ENTREP2: variants seen among roughly 807,000 people sequenced by gnomAD.
The protein encoded by ENTREP2 is protein ENTREP2.
the ENTREP2 span, among the ~76,000 whole-genome samples, chr15:29,545,803 C>G: frequency 1.3e-5 from 2 of 152,154 alleles, no homozygotes; most frequent in East Asian, 3.8e-4. Context: ...ATAAATCTAA[C>G]CTCTAGTACT....
chr15:29,417,295 C>A, the ENTREP2 span, among the ~76,000 whole-genome samples: 2 of 152,178 alleles, frequency 1.3e-5, no homozygotes, highest in Admixed American at 6.5e-5. Flanking sequence ...CACATATACA[C>A]CATGGAATAC....
the ENTREP2 span, among the ~76,000 whole-genome samples, chr15:29,232,172 T>C: frequency 6.6e-6 from 1 of 152,144 alleles, no homozygotes; most frequent in Admixed American, 6.5e-5. Flanking sequence ...ATTACAGGTG[T>C]GAGCCACCGC....
the ENTREP2 span, among the ~76,000 whole-genome samples, chr15:29,231,765 G>A: frequency 1.6e-4 from 25 of 151,568 alleles, no homozygotes; most frequent in Admixed American, 9.9e-4. Flanking sequence ...TTACCAATTC[G>A]TTCATTCTTT....
the ENTREP2 span, among the ~76,000 whole-genome samples, chr15:29,343,347 T>C: frequency 6.6e-6 from 1 of 152,164 alleles, no homozygotes; most frequent in African/African-American, 2.4e-5. Context: ...CCTCATCCAA[T>C]CAGTCAAAGG....
At chr15:29,550,886 G>C in the ENTREP2 span, among the ~76,000 whole-genome samples, 5 of 152,134 alleles carry the variant, frequency 3.3e-5, no homozygotes, top group Admixed American at 2.0e-4. Flanking sequence ...TTCCTTTACA[G>C]ATTAGGAGAT....
At chr15:29,223,407 G>A in the ENTREP2 span, among the ~76,000 whole-genome samples, 1 of 152,062 alleles carries the variant, frequency 6.6e-6, no homozygotes, top group Non-Finnish European at 1.5e-5. Context: ...CAGCTCCAAT[G>A]GCTCTCTATC....
the ENTREP2 span, among the ~76,000 whole-genome samples, chr15:29,186,411 A>C: frequency 1.3e-5 from 2 of 152,182 alleles, no homozygotes; most frequent in Admixed American, 1.3e-4. Context: ...CAGCTGCCAA[A>C]AAACTCCAAA....
the ENTREP2 span, among the ~76,000 whole-genome samples, chr15:29,454,499 C>T: frequency 6.6e-6 from 1 of 152,324 alleles, no homozygotes; most frequent in East Asian, 1.9e-4. Context: ...CCAGACTCAG[C>T]TCCCCCACTC....
chr15:29,450,189 C>T, the ENTREP2 span, among the ~76,000 whole-genome samples: 3 of 152,108 alleles, frequency 2.0e-5, no homozygotes, highest in African/African-American at 7.2e-5. Flanking sequence ...TTTCTCCCAT[C>T]CTGTAGGCTG....
the ENTREP2 span, among the ~76,000 whole-genome samples, chr15:29,313,201 AG>A: frequency 6.6e-6 from 1 of 152,260 alleles, no homozygotes; most frequent in Non-Finnish European, 1.5e-5. Flanking sequence ...AAGTTTAAGA[AG>A]CTGAGGCAGC....
chr15:29,234,344 C>T, the ENTREP2 span: 4 of 1,593,634 alleles, frequency 2.5e-6, no homozygotes, highest in Non-Finnish European at 3.4e-6. Flanking sequence ...AATCTCTTGA[C>T]CATCTTCACT....
At chr15:29,257,464 C>T in the ENTREP2 span, among the ~76,000 whole-genome samples, 2 of 152,172 alleles carry the variant, frequency 1.3e-5, no homozygotes, top group Non-Finnish European at 2.9e-5. Flanking sequence ...TTGCAACGAA[C>T]TGCCTTGTTC....
At chr15:29,427,360 ATAGCCC>A in the ENTREP2 span, among the ~76,000 whole-genome samples, 1 of 152,204 alleles carries the variant, frequency 6.6e-6, no homozygotes, top group Non-Finnish European at 1.5e-5. Context: ...TACCTGAGAT[ATAGCCC>A]TATCTGTTAG....
the ENTREP2 span, chr15:29,373,710 TG>T: frequency 6.6e-6 from 1 of 152,132 alleles, no homozygotes; most frequent in African/African-American, 2.4e-5. Flanking sequence ...TATAATTGTT[TG>T]GATTTAAATG....
chr15:29,182,147 T>C, the ENTREP2 span, among the ~76,000 whole-genome samples: 1 of 151,374 alleles, frequency 6.6e-6, no homozygotes, highest in South Asian at 2.1e-4. Context: ...TTTTTTGAGA[T>C]GGAGTCTCAC....
At chr15:29,204,232 G>A in the ENTREP2 span, among the ~76,000 whole-genome samples, 1 of 152,094 alleles carries the variant, frequency 6.6e-6, no homozygotes, top group Non-Finnish European at 1.5e-5. Flanking sequence ...AATCTCTTTG[G>A]GGCACTTAAC....
chr15:29,672,235 G>A, the ENTREP2 span, among the ~76,000 whole-genome samples: 1 of 152,072 alleles, frequency 6.6e-6, no homozygotes, highest in Admixed American at 6.5e-5. Flanking sequence ...TGATTCACCC[G>A]CCTTGGCCTC....
the ENTREP2 span, among the ~76,000 whole-genome samples, chr15:29,563,844 AAAAT>A: frequency 1.3e-5 from 2 of 150,788 alleles, no homozygotes; most frequent in Admixed American, 1.3e-4. Flanking sequence ...CTCAAAAATA[AAAAT>A]AAATAAATAA....
At chr15:29,591,296 G>A in the ENTREP2 span, among the ~76,000 whole-genome samples, 20 of 152,100 alleles carry the variant, frequency 1.3e-4, no homozygotes, top group African/African-American at 1.4e-4. Context: ...CTTATTTCCC[G>A]TCTTCATGCC....
Sources: allele counts gnomAD v4.1 joint callset (sites outside exome capture counted in the v4.1 genomes callset), GRCh38; gene constraint gnomAD v4.1.1; transcripts MANE v1.5; gene names NCBI Gene and HGNC (gene_info 2026-07-23, HGNC 2026-07-21).